GDPD1: variants seen among roughly 807,000 people sequenced by gnomAD.
GDPD1 encodes glycerophosphodiester phosphodiesterase domain containing 1.
In GDPD1, 28 loss-of-function variants were observed where a neutral mutation model predicts 45.1. The observed-to-expected ratio is 0.62, with a 90% CI of 0.46 to 0.85. The LOEUF (loss-of-function observed/expected upper bound fraction) is 0.85, where lower values mean the gene tolerates loss of function less well. Ranked by LOEUF, GDPD1 falls within the 40% of genes least tolerant of loss-of-function variation. GDPD1 has a pLI of 0.00. For missense variants in GDPD1, 256 were observed against 364.8 expected (o/e 0.70, Z 2.43); for synonymous variants, 139 against 131.4 (o/e 1.06, Z -0.40).
intron 7 of GDPD1, among the ~76,000 whole-genome samples, chr17:59,270,010 C>T (rs550520293): frequency 4.6e-5 from 7 of 151,980 alleles, no homozygotes; most frequent in African/African-American, 1.7e-4. Flanking sequence ...AAGACACAAG[C>T]AGGATATATT....
rs1263092284 is a variant in GDPD1 at position 59,274,645 on chromosome 17, G to T, written c.*872G>T. On this transcript the variant is annotated 3_prime_UTR_variant, in exon 10 of 10. Coordinates refer to ENST00000284116, the MANE Select transcript of GDPD1 (RefSeq NM_182569.4). ...ATACAAAAAATTAGCTGGGCGTGGT[G>T]GTGGGCACCTTAGTCCCAGCTACTC... The T allele has an allele frequency of 6.6e-6, 1 of 150,808 alleles. No homozygotes were observed. Among genetic ancestry groups the T allele is most frequent in the African/African-American group, 2.4e-5 (1 of 41,086 alleles). 9.3% of individuals were successfully genotyped at this position (150,808 alleles called of 1,614,324 possible).
intron 5 of GDPD1, 142 bp downstream of exon 5, chr17:59,257,382 A>G: frequency 1.7e-6 from 1 of 577,906 alleles, no homozygotes; most frequent in Non-Finnish European, 3.0e-6. Context: ...ATAATGCCTT[A>G]GTAGAAGAGA....
intron 1 of GDPD1, among the ~76,000 whole-genome samples, chr17:59,221,716 G>T (rs1568335517): frequency 1.3e-5 from 2 of 152,030 alleles, no homozygotes; most frequent in Non-Finnish European, 2.9e-5. Context: ...GGTGAAATTG[G>T]ATTATTTTCA....
rs192470501 is a variant in GDPD1 at position 59,270,137 on chromosome 17, A to G, written c.711-799A>G. Among the ~76,000 whole-genome samples the G allele has an allele frequency of 3.9e-5, 6 of 152,198 alleles. No homozygotes were observed. In the East Asian group the frequency reaches 1.2e-3, roughly 29 times the overall value. On this transcript the variant is annotated intron_variant, in intron 7 of 9. Coordinates refer to ENST00000284116, the MANE Select transcript of GDPD1 (RefSeq NM_182569.4). ...AAATCCCTAATATTCCTGAAATTGCAACCAGGACTTTCCACTGGGGCCAGA... is the reference window on the plus strand; with the variant it reads ...AAATCCCTAATATTCCTGAAATTGCGACCAGGACTTTCCACTGGGGCCAGA...
In GDPD1 at chr17:59,274,264, G is replaced by GTGCTGGGATTA; in HGVS notation, c.*491_*492insTGCTGGGATTA. 1 of 560,548 alleles carries GTGCTGGGATTA rather than the reference G, an allele frequency of 1.8e-6. No individual in the cohort carries two copies. The highest frequency in any genetic ancestry group is 2.3e-6 in the Non-Finnish European group (1 of 441,624). 34.7% of individuals were successfully genotyped at this position (560,548 alleles called of 1,614,324 possible). ...GTGGTGGCTCATGCCTGTAATCCCAGCACTTTGGGAGGCTGAGACAGGCGG... is the reference window on the plus strand; with the variant it reads ...GTGGTGGCTCATGCCTGTAATCCCAGTGCTGGGATTACACTTTGGGAGGCTGAGACAGGCGG... On this transcript the variant is annotated 3_prime_UTR_variant, in exon 10 of 10. Transcript: ENST00000284116.
intron 7 of GDPD1, among the ~76,000 whole-genome samples, chr17:59,268,578 CAAAAAAAAAAAAAA>C (rs1176390251): frequency 8.5e-5 from 3 of 35,372 alleles, no homozygotes; most frequent in Admixed American, 3.8e-4. Context: ...GACTCTGTCT[CAAAAAAAAAAAAAA>C]AAAAAAAAAA....
chr17:59,223,110 A>G (rs931478113), intron 1 of GDPD1, among the ~76,000 whole-genome samples: 1 of 152,236 alleles, frequency 6.6e-6, no homozygotes, highest in African/African-American at 2.4e-5. Context: ...CAAAGCCAGG[A>G]TAAGCTAGAC....
intron 2 of GDPD1, among the ~76,000 whole-genome samples, chr17:59,243,386 C>T (rs1390906725): frequency 6.6e-6 from 1 of 152,014 alleles, no homozygotes; most frequent in Non-Finnish European, 1.5e-5. Context: ...CACCTGTAAT[C>T]CCAGCTACTT....
chr17:59,258,466 C>A (rs1306570335), intron 6 of GDPD1, among the ~76,000 whole-genome samples: 1 of 151,994 alleles, frequency 6.6e-6, no homozygotes, highest in Non-Finnish European at 1.5e-5. Flanking sequence ...TCACTTGAAC[C>A]CGGGAAGCAG....
rs915978346 is a variant in GDPD1 at position 59,245,564 on chromosome 17, A to G, written c.321+15A>G. The stretch of plus-strand genomic sequence containing the variant: ...TCAAATACTGTGTAAGTAAAAATGC[A>G]TGATAAACTAATATCTAATAGATGT... On this transcript the variant is annotated intron_variant, in intron 3 of 9. Transcript: ENST00000284116. 2.5e-6 allele frequency: 4 copies of G among 1,587,486 alleles called. No homozygotes were observed. The highest frequency in any genetic ancestry group is 1.4e-5 in the African/African-American group (1 of 73,946).
chr17:59,267,299 C>T (rs1244083955), intron 7 of GDPD1, 125 bp downstream of exon 7: 9 of 813,286 alleles, frequency 1.1e-5, no homozygotes, highest in Non-Finnish European at 1.8e-5. Context: ...GTTCTATTAC[C>T]TGACCTATAT....
Position 59,266,976 on chromosome 17 carries a change from G to A in GDPD1, c.577-65G>A. The A allele has an allele frequency of 3.8e-6, 5 of 1,300,166 alleles. No homozygotes were observed. The African/African-American group carries it at 4.4e-5, about 11-fold the overall frequency. 80.5% of individuals were successfully genotyped at this position (1,300,166 alleles called of 1,614,324 possible). On this transcript the variant is annotated intron_variant, in intron 6 of 9. Transcript: ENST00000284116. ...ATTGTCTTGGGAAATACTGAGAGTT[G>A]TGAAGTAATCCTCTTTATTTGAGCA... is the stretch of plus-strand genomic sequence containing the variant.
At chr17:59,247,854 T>C (rs564119222) in intron 3 of GDPD1, among the ~76,000 whole-genome samples, 28 of 152,262 alleles carry the variant, frequency 1.8e-4, no homozygotes, top group African/African-American at 6.3e-4. Context: ...GGTCTCGAAC[T>C]CCTGGCCTCA....
intron 1 of GDPD1, among the ~76,000 whole-genome samples, chr17:59,228,500 G>T (rs573006053): frequency 4.6e-5 from 7 of 152,280 alleles, no homozygotes; most frequent in Middle Eastern, 3.4e-3. Flanking sequence ...ACAGAGGAGA[G>T]ACTGTTTAAC....
intron 2 of GDPD1, among the ~76,000 whole-genome samples, chr17:59,242,409 A>G (rs899541837): frequency 6.6e-6 from 1 of 152,192 alleles, no homozygotes; most frequent in African/African-American, 2.4e-5. Flanking sequence ...CCATTATAAA[A>G]GTTTATATTC....
At chr17:59,225,515 G>A (rs1227354642) in intron 1 of GDPD1, among the ~76,000 whole-genome samples, 1 of 152,022 alleles carries the variant, frequency 6.6e-6, no homozygotes, top group Admixed American at 6.6e-5. Flanking sequence ...CCACTGTGAG[G>A]TTACTTTTTC....
At chr17:59,238,968 A>G (rs183853424) in intron 2 of GDPD1, among the ~76,000 whole-genome samples, 41 of 152,338 alleles carry the variant, frequency 2.7e-4, no homozygotes, top group Non-Finnish European at 5.3e-4. Flanking sequence ...ACCCTTGAGT[A>G]TGTAAGATGT....
At chr17:59,246,627 T>G (rs1430915760) in intron 3 of GDPD1, among the ~76,000 whole-genome samples, 1 of 130,088 alleles carries the variant, frequency 7.7e-6, no homozygotes, top group Admixed American at 9.0e-5. Context: ...GAGAATCGCT[T>G]GAACCCAGGA....
chr17:59,244,492 G>A (rs1011930693), intron 2 of GDPD1, among the ~76,000 whole-genome samples: 1 of 151,966 alleles, frequency 6.6e-6, no homozygotes, highest in African/African-American at 2.4e-5. Context: ...CACCACACCT[G>A]GCCAATTTTT....
Sources: allele counts gnomAD v4.1 joint callset (sites outside exome capture counted in the v4.1 genomes callset), GRCh38; gene constraint gnomAD v4.1.1; transcripts MANE v1.5; gene names NCBI Gene and HGNC (gene_info 2026-07-23, HGNC 2026-07-21).